The following RIPPLY3 variants were observed in gnomAD, a reference collection of about 807,000 sequenced individuals.
RIPPLY3 encodes the protein protein ripply3.
Under a neutral mutation model 11.9 loss-of-function variants are expected in RIPPLY3, and 8 were observed. The ratio of observed to expected loss-of-function variants is 0.67; its 90% confidence interval spans 0.40 to 1.21. The LOEUF (loss-of-function observed/expected upper bound fraction) is 1.21, where lower values mean the gene tolerates loss of function less well. Ranked by LOEUF, RIPPLY3 falls within the 50% of genes most tolerant of loss-of-function variation. The pLI, the probability that RIPPLY3 is intolerant of heterozygous loss-of-function variation, is 0.01. For synonymous variants in RIPPLY3, 102 were observed against 99.0 expected (o/e 1.03, Z -0.18); for missense variants, 271 against 246.0 (o/e 1.10, Z -0.68).
At chr21:37,013,463 G>A in intron 2 of RIPPLY3, 88 bp from the exon 3 acceptor site, 2 of 1,061,374 alleles carry the variant, frequency 1.9e-6, no homozygotes, top group Admixed American at 3.7e-5. Context: ...AACTGCAGAT[G>A]ACTTACGTTC....
At position 37,019,237 on chromosome 21, in the gene RIPPLY3, C is replaced by T. The variant is rs2069614593; in HGVS notation, c.*1030C>T. 1 of 140,696 alleles carries T rather than the reference C, an allele frequency of 7.1e-6. No homozygotes were observed. The highest frequency in any genetic ancestry group is 1.5e-5 in the Non-Finnish European group (1 of 66,302). 8.7% of individuals were successfully genotyped at this position (140,696 alleles called of 1,614,324 possible). On this transcript the variant is annotated 3_prime_UTR_variant, in exon 4 of 4. Coordinates refer to ENST00000329553, the MANE Select transcript of RIPPLY3 (RefSeq NM_018962.3). The stretch of plus-strand genomic sequence containing the variant: ...CGAGATCGCACCATTGCATTCCAGC[C>T]TGGGCAACAAGAGCGAAACTCCGTC...
rs1328153719 is a variant in RIPPLY3 at position 37,019,282 on chromosome 21, A to AG, written c.*1075_*1076insG. 2 of 148,762 alleles carry AG rather than the reference A, an allele frequency of 1.3e-5. No individual in the cohort carries two copies. The highest frequency in any genetic ancestry group is 2.0e-4 in the East Asian group (1 of 5,116). The allele number at this position is 148,762 out of a possible 1,614,324, so 9.2% of individuals were successfully genotyped here. On this transcript the variant is annotated 3_prime_UTR_variant, in exon 4 of 4. Coordinates refer to ENST00000329553, the MANE Select transcript of RIPPLY3 (RefSeq NM_018962.3). ...TCCGTCTCAAAAAAAAAAAAAAAAAAAAAGAAAGAAAAGAGTAACAGAAAG... is the reference window on the plus strand; with the variant it reads ...TCCGTCTCAAAAAAAAAAAAAAAAAAGAAAGAAAGAAAAGAGTAACAGAAAG...
rs1415660733 is a variant in RIPPLY3, at chr21:37,008,314, G to GC, written c.171+92dup. 5.8e-5 allele frequency: 78 copies of GC among 1,348,586 alleles called. 1 individual carries two copies. Among genetic ancestry groups the GC allele is most frequent in the Admixed American group, 1.8e-4 (9 of 50,506 alleles). The allele number at this position is 1,348,586 out of a possible 1,614,324, so 83.5% of individuals were successfully genotyped here. ...ACAGGGACCGTGAATGGCCTTCTGC[G>GC]CAGGGCCGTCCCTTGGGCGTCTAAC... On this transcript the variant is annotated intron_variant, in intron 2 of 3. Coordinates refer to ENST00000329553, the MANE Select transcript of RIPPLY3 (RefSeq NM_018962.3).
At position 37,013,612 on chromosome 21, in the gene RIPPLY3, C is replaced by T; in HGVS notation, c.233C>T (p.Pro78Leu). ...AAGGGAGCCTTTGGGTTTCAGCATC[C>T]TGTAAGGTAATATACGACTTCACAA... ...GSKGAFGFQH[P>L]VRVYLPMSKR... The change falls in exon 3 of 4, where the codon CCT (proline) becomes CTT (leucine). Residue 78 changes from proline (P) to leucine (L), a missense_variant. By Grantham distance (98) the Pro-to-Leu change is moderately conservative (BLOSUM62 -3). Transcript: ENST00000329553. 6.2e-7 allele frequency: 1 copy of T among 1,613,098 alleles called. No homozygotes were observed. Among genetic ancestry groups the T allele is most frequent in the Non-Finnish European group, 8.5e-7 (1 of 1,179,226 alleles).
rs1569287898 is a variant in RIPPLY3, at chr21:37,017,871, T to C, written c.240-3T>C. 1 of 1,600,934 alleles carries C rather than the reference T, an allele frequency of 6.2e-7. No individual in the cohort carries two copies. Among genetic ancestry groups the C allele is most frequent in the East Asian group, 2.2e-5 (1 of 44,686 alleles). On this transcript the variant is annotated splice_region_variant and splice_polypyrimidine_tract_variant and intron_variant, in intron 3 of 3. Coordinates refer to ENST00000329553, the MANE Select transcript of RIPPLY3 (RefSeq NM_018962.3). ...AATGGTATATTTGTTTCTTAAATAT[T>C]AGAGTCTATTTACCCATGTCAAAGC...
intron 2 of RIPPLY3, among the ~76,000 whole-genome samples, chr21:37,008,744 C>T (rs1284559319): frequency 1.8e-5 from 2 of 109,240 alleles, no homozygotes; most frequent in Non-Finnish European, 3.4e-5. Context: ...GGCGACAGAG[C>T]AAGACTCATC....
intron 2 of RIPPLY3, among the ~76,000 whole-genome samples, chr21:37,011,223 C>T (rs1040278611): frequency 7.9e-5 from 12 of 152,172 alleles, no homozygotes; most frequent in African/African-American, 2.7e-4. Context: ...AGGCTGGTCT[C>T]GAACTCCTGA....
intron 2 of RIPPLY3, 42 bp downstream of exon 2, chr21:37,008,265 G>A (rs929197101): frequency 6.2e-7 from 1 of 1,603,492 alleles, no homozygotes; most frequent in Non-Finnish European, 8.5e-7. Context: ...CTTCCAGCCA[G>A]AAAGTGGCAT....
chr21:37,009,280 G>C lies in RIPPLY3; in HGVS notation c.171+1057G>C, dbSNP rs1012071542. 5.9e-5 allele frequency among the ~76,000 whole-genome samples: 9 copies of C among 151,648 alleles called. No homozygotes were observed. The Middle Eastern group carries it at 0.01, about 173-fold the overall frequency. On this transcript the variant is annotated intron_variant, in intron 2 of 3. Coordinates refer to ENST00000329553, the MANE Select transcript of RIPPLY3 (RefSeq NM_018962.3). ...CTTAAAACACTGAAGAATTAGGCTG[G>C]GAAAGACCATGTATTGAATTTACGT... is the stretch of plus-strand genomic sequence containing the variant.
At chr21:37,012,106 A>G (rs2069528920) in intron 2 of RIPPLY3, among the ~76,000 whole-genome samples, 1 of 151,606 alleles carries the variant, frequency 6.6e-6, no homozygotes, top group Non-Finnish European at 1.5e-5. Context: ...CTTCCTTGTC[A>G]GGCCATAGTA....
chr21:37,008,136 T>A, intron 1 of RIPPLY3, 21 bp from the exon 2 acceptor site: 1 of 1,613,706 alleles, frequency 6.2e-7, no homozygotes, highest in Non-Finnish European at 8.5e-7. Context: ...GTTCACTCTC[T>A]CCTGGCGCTT....
chr21:37,018,246 C>A lies in RIPPLY3; in HGVS notation c.*39C>A. On this transcript the variant is annotated 3_prime_UTR_variant, in exon 4 of 4. Coordinates refer to ENST00000329553, the MANE Select transcript of RIPPLY3 (RefSeq NM_018962.3). ...TCCTGGGCCCTGCTCTGGGACCTGC[C>A]CCTCACGTTCTCTTGGGGACACCCG... 1 of 1,544,322 alleles carries A rather than the reference C, an allele frequency of 6.5e-7. No homozygotes were observed. The highest frequency in any genetic ancestry group is 8.9e-7 in the Non-Finnish European group (1 of 1,118,552).
chr21:37,006,862 G>T lies in RIPPLY3; in HGVS notation c.90G>T (p.Pro30=), dbSNP rs2069469590. The change falls in exon 1 of 4, where the codon CCG becomes CCT. Residue 30 remains proline, a synonymous_variant. Coordinates refer to ENST00000329553, the MANE Select transcript of RIPPLY3 (RefSeq NM_018962.3). The surrounding 1 kb of genome is among the most constrained non-coding windows in gnomAD (Gnocchi z 5.2). ...ACGCTCCCTGGAGGCCTCCGCCACC[G>T]CGCGGGCCGGAGAGGTGAGGGTGGC... The part of the protein sequence containing the change: ...PGDAPWRPPP[P]RGPESPAPWR... 7 of 1,218,782 alleles carry T rather than the reference G, an allele frequency of 5.7e-6. No individual in the cohort carries two copies. Among genetic ancestry groups the T allele is most frequent in the South Asian group, 8.2e-5 (2 of 24,266 alleles). The allele number at this position is 1,218,782 out of a possible 1,614,324, so 75.5% of individuals were successfully genotyped here. A position where few individuals can be genotyped will look rare whatever the true frequency, so the allele number is the denominator to read the frequency against.
chr21:37,010,670 G>A (rs979654855), intron 2 of RIPPLY3, among the ~76,000 whole-genome samples: 6 of 152,074 alleles, frequency 3.9e-5, no homozygotes, highest in Admixed American at 3.9e-4. Context: ...GGCCACTTGC[G>A]GGCACTGTCA....
chr21:37,008,348 G>T, intron 2 of RIPPLY3, 125 bp downstream of exon 2: 1 of 939,328 alleles, frequency 1.1e-6, no homozygotes, highest in Non-Finnish European at 1.6e-6. Context: ...ACCCAGGAGC[G>T]CCTCGGGGTC....
intron 3 of RIPPLY3, 111 bp downstream of exon 3, chr21:37,013,729 A>G (rs2069550483): frequency 1.3e-6 from 1 of 750,512 alleles, no homozygotes; most frequent in Non-Finnish European, 2.2e-6. Flanking sequence ...AAATAATTCA[A>G]TGTATTCTTT....
intron 3 of RIPPLY3, 29 bp from the exon 4 acceptor site, chr21:37,017,845 T>A: frequency 6.4e-7 from 1 of 1,560,998 alleles, no homozygotes; most frequent in Non-Finnish European, 8.7e-7. Context: ...TCAGGTTGAT[T>A]AATGGTATAT....
chr21:37,008,782 C>A (rs1229508906), intron 2 of RIPPLY3, among the ~76,000 whole-genome samples: 1 of 140,002 alleles, frequency 7.1e-6, no homozygotes, highest in Non-Finnish European at 1.5e-5. Context: ...AAAAAAAAAC[C>A]GTAGTCGTTT....
intron 3 of RIPPLY3, 63 bp from the exon 4 acceptor site, chr21:37,017,811 T>C (rs574380048): frequency 2.1e-6 from 3 of 1,415,582 alleles, no homozygotes; most frequent in South Asian, 2.8e-5. Flanking sequence ...AAAAGCACCC[T>C]CTAGAAGCAA....
Sources: gnomAD v4.1 joint callset for allele counts (sites outside exome capture counted in the v4.1 genomes callset) on GRCh38, gnomAD v4.1.1 for gene constraint, Gnocchi (gnomAD v3.1) non-coding constraint, MANE v1.5 for transcripts, NCBI Gene and HGNC (gene_info 2026-07-23, HGNC 2026-07-21) for gene names.